Variants in SLC8A1 observed in about 807,000 individuals in gnomAD.
The protein encoded by SLC8A1 is solute carrier family 8 member A1, also known as sodium/calcium exchanger 1.
Under a neutral mutation model 68.3 loss-of-function variants are expected in SLC8A1, and 18 were observed. The observed-to-expected ratio is 0.26, with a 90% CI of 0.18 to 0.39. The LOEUF (loss-of-function observed/expected upper bound fraction) is 0.39, where lower values mean the gene tolerates loss of function less well. Among genes scored for constraint, SLC8A1 ranks in the 10% least tolerant of loss-of-function variants. SLC8A1 has a pLI of 1.00. For synonymous variants in SLC8A1, 475 were observed against 415.5 expected (o/e 1.14, Z -1.74); for missense variants, 985 against 1,156.7 (o/e 0.85, Z 2.15).
chr2:40,506,410 C>T (rs1431447715), intron 1 of SLC8A1, among the ~76,000 whole-genome samples: 1 of 151,880 alleles, frequency 6.6e-6, no homozygotes, highest in African/African-American at 2.4e-5. Flanking sequence ...AGAGCATGGA[C>T]TTTTACCTTG....
Position 40,449,839 on chromosome 2 carries a change from T to A in SLC8A1, c.-25+2065A>T, listed in dbSNP as rs74259872. ...ATACAGCTCAACAATAAATAATGGT[T>A]TATCTCTGTTCAGTCCTTTTTGTTG... On this transcript the variant is annotated intron_variant, in intron 1 of 7. Coordinates refer to ENST00000406785, the Ensembl canonical transcript of SLC8A1. Among the ~76,000 whole-genome samples, 756 of 152,320 alleles carry A rather than the reference T, an allele frequency of 5.0e-3. 45 individuals are homozygous for A. In the East Asian group the frequency reaches 0.13, roughly 26 times the overall value.
upstream of SLC8A1, among the ~76,000 whole-genome samples, chr2:40,454,809 T>G (rs1156673032): frequency 6.6e-6 from 1 of 151,932 alleles, no homozygotes; most frequent in Admixed American, 6.6e-5. Flanking sequence ...CATGAGTGAG[T>G]TTTTATTGCG....
Position 40,448,946 on chromosome 2 carries a change from C to T in SLC8A1, c.-25+2958G>A, listed in dbSNP as rs115897459. ...ATGTTTACTTGAAAGCAACATACTA[C>T]GAAAATATAAAACATGCAACATATG... On this transcript the variant is annotated intron_variant, in intron 1 of 7. Coordinates refer to ENST00000406785, the Ensembl canonical transcript of SLC8A1. 3.5e-3 allele frequency among the ~76,000 whole-genome samples: 535 copies of T among 152,130 alleles called. 2 individuals are homozygous for T. Among genetic ancestry groups the T allele is most frequent in the African/African-American group, 0.01 (423 of 41,518 alleles).
rs185603144 is a variant in SLC8A1, at chr2:40,338,879, T to C, written c.1808+89594A>G. Reference sequence around the variant, plus strand: ...TTTGAAAACAGCGTGCTGTATCTTATATGAGAACAACTAAACTAAAAATCA... The same window carrying C: ...TTTGAAAACAGCGTGCTGTATCTTACATGAGAACAACTAAACTAAAAATCA... On this transcript the variant is annotated intron_variant, in intron 2 of 7. Transcript: ENST00000406785. Among the ~76,000 whole-genome samples, 4 of 149,810 alleles carry C rather than the reference T, an allele frequency of 2.7e-5. No individual in the cohort carries two copies. The East Asian group carries it at 7.8e-4, about 29-fold the overall frequency.
At chr2:40,371,888 C>T (rs1678210897) in intron 2 of SLC8A1, among the ~76,000 whole-genome samples, 2 of 152,026 alleles carry the variant, frequency 1.3e-5, no homozygotes, top group Middle Eastern at 3.2e-3. Context: ...AGAACCAGGT[C>T]CCCAGTTGGT....
At chr2:40,487,144 T>C (rs922807837) in intron 1 of SLC8A1, among the ~76,000 whole-genome samples, 1 of 152,116 alleles carries the variant, frequency 6.6e-6, no homozygotes, top group South Asian at 2.1e-4. Flanking sequence ...ATTCAGTCTA[T>C]AATATGTATG....
At chr2:40,314,903 A>G (rs1236669813) in intron 2 of SLC8A1, among the ~76,000 whole-genome samples, 1 of 152,024 alleles carries the variant, frequency 6.6e-6, no homozygotes, top group Non-Finnish European at 1.5e-5. Flanking sequence ...ACAGATTTTT[A>G]TCAGATTTTT....
intron 2 of SLC8A1, among the ~76,000 whole-genome samples, chr2:40,214,083 G>C (rs1319636653): frequency 6.6e-6 from 1 of 152,184 alleles, no homozygotes; most frequent in Non-Finnish European, 1.5e-5. Context: ...ATGAGGGCTA[G>C]GAATCTGGCA....
At chr2:40,221,312 C>G (rs1467581068) in intron 2 of SLC8A1, among the ~76,000 whole-genome samples, 1 of 152,108 alleles carries the variant, frequency 6.6e-6, no homozygotes, top group Non-Finnish European at 1.5e-5. Flanking sequence ...GCAGAAAAGG[C>G]CTTCAGTAAA....
chr2:40,346,532 T>C (rs977290023), intron 2 of SLC8A1, among the ~76,000 whole-genome samples: 7 of 152,148 alleles, frequency 4.6e-5, no homozygotes, highest in Admixed American at 2.0e-4. Flanking sequence ...CAGAGTTATT[T>C]TGACCCTCTC....
intron 6 of SLC8A1, among the ~76,000 whole-genome samples, chr2:40,157,914 A>AT (rs1229677687): frequency 6.6e-6 from 1 of 152,206 alleles, no homozygotes; most frequent in Non-Finnish European, 1.5e-5. Context: ...TGGCAGAATC[A>AT]TTATGGTCAC....
intron 2 of SLC8A1, among the ~76,000 whole-genome samples, chr2:40,207,355 C>G (rs147289404): frequency 2.0e-5 from 3 of 151,940 alleles, no homozygotes; most frequent in Non-Finnish European, 4.4e-5. Context: ...GAACAATGCC[C>G]TTAGGGAGAA....
At chr2:40,134,091 G>GTTTTTTT (rs1553348355) in intron 7 of SLC8A1, among the ~76,000 whole-genome samples, 2 of 50,090 alleles carry the variant, frequency 4.0e-5, no homozygotes, top group Admixed American at 3.6e-4. Context: ...TTGTTTGTTT[G>GTTTTTTT]TTTGTGTTTT....
chr2:40,329,962 GA>G (rs985336072), intron 2 of SLC8A1, among the ~76,000 whole-genome samples: 4 of 152,096 alleles, frequency 2.6e-5, no homozygotes, highest in African/African-American at 7.2e-5. Context: ...AAAAGGGGGG[GA>G]AAAACAAGAC....
intron 2 of SLC8A1, among the ~76,000 whole-genome samples, chr2:40,358,277 A>C (rs1673392560): frequency 1.1e-5 from 1 of 93,052 alleles, no homozygotes. Flanking sequence ...AGATTAAGAC[A>C]AAAAAAAAAA....
chr2:40,241,229 T>C (rs1337499270), intron 2 of SLC8A1, among the ~76,000 whole-genome samples: 1 of 152,192 alleles, frequency 6.6e-6, no homozygotes, highest in African/African-American at 2.4e-5. Context: ...GCCATAATCC[T>C]CAGCGAATTA....
At chr2:40,352,085 C>T in intron 2 of SLC8A1, among the ~76,000 whole-genome samples, 1 of 152,120 alleles carries the variant, frequency 6.6e-6, no homozygotes, top group East Asian at 1.9e-4. Context: ...GAAATTGTAA[C>T]AAGCTATTTC....
At chr2:40,403,570 C>G (rs1559540374) in intron 2 of SLC8A1, among the ~76,000 whole-genome samples, 1 of 152,216 alleles carries the variant, frequency 6.6e-6, no homozygotes, top group Non-Finnish European at 1.5e-5. Flanking sequence ...CTGAAACAGT[C>G]AAGTCATGGA....
At chr2:40,278,083 T>C (rs569111964) in intron 2 of SLC8A1, among the ~76,000 whole-genome samples, 3 of 152,062 alleles carry the variant, frequency 2.0e-5, no homozygotes, top group Non-Finnish European at 2.9e-5. Context: ...TTTTATAACC[T>C]TGTTTATCAC....
Sources: gnomAD v4.1 joint callset for allele counts (sites outside exome capture counted in the v4.1 genomes callset) on GRCh38, gnomAD v4.1.1 for gene constraint, MANE v1.5 for transcripts, NCBI Gene and HGNC (gene_info 2026-07-23, HGNC 2026-07-21) for gene names.